KCNN2: variants seen among roughly 807,000 people sequenced by gnomAD.
The protein encoded by KCNN2 is potassium calcium-activated channel subfamily N member 2, also known as small conductance calcium-activated potassium channel protein 2.
KCNN2 carries 24 observed loss-of-function variants against 55.5 expected under a neutral mutation model. The observed-to-expected ratio is 0.43, with a 90% CI of 0.31 to 0.61. The LOEUF (loss-of-function observed/expected upper bound fraction) is 0.61, where lower values mean the gene tolerates loss of function less well. Among genes scored for constraint, KCNN2 ranks in the 20% least tolerant of loss-of-function variants. The pLI is 0.08. For synonymous variants in KCNN2, 431 were observed against 336.1 expected (o/e 1.28, Z -3.09); for missense variants, 754 against 853.6 (o/e 0.88, Z 1.45).
intron 2 of KCNN2, among the ~76,000 whole-genome samples, chr5:114,374,127 A>T (rs1030624806): frequency 2.0e-5 from 3 of 152,112 alleles, no homozygotes; most frequent in Admixed American, 2.0e-4. Context: ...ACATAAACTT[A>T]ACATGGATGT....
chr5:114,219,458 G>T (rs1377979900), intron 1 of KCNN2, among the ~76,000 whole-genome samples: 1 of 152,092 alleles, frequency 6.6e-6, no homozygotes, highest in Non-Finnish European at 1.5e-5. Flanking sequence ...AAAAGGGTAC[G>T]GGGTGGGTAG....
chr5:114,252,004 G>C (rs529545184), intron 2 of KCNN2, among the ~76,000 whole-genome samples: 1 of 149,410 alleles, frequency 6.7e-6, no homozygotes, highest in African/African-American at 2.5e-5. Flanking sequence ...TCAGCCTCCC[G>C]AGCAGCTGGG....
chr5:114,156,542 T>A (rs1208745928), intron 1 of KCNN2, among the ~76,000 whole-genome samples: 1 of 152,140 alleles, frequency 6.6e-6, no homozygotes, highest in Non-Finnish European at 1.5e-5. Flanking sequence ...TTTGTTGGTG[T>A]CATTCCTGAT....
At chr5:114,216,837 T>C (rs1221461157) in intron 1 of KCNN2, among the ~76,000 whole-genome samples, 1 of 152,108 alleles carries the variant, frequency 6.6e-6, no homozygotes, top group Non-Finnish European at 1.5e-5. Flanking sequence ...CTGTCTTTGT[T>C]CACAGATGAC....
chr5:114,340,500 A>T (rs1351892778), intron 2 of KCNN2, among the ~76,000 whole-genome samples: 2 of 152,220 alleles, frequency 1.3e-5, no homozygotes, highest in Non-Finnish European at 2.9e-5. Flanking sequence ...ATCTTCCATT[A>T]AAATTATCAA....
In KCNN2 at chr5:114,241,796, A is replaced by ATG. The variant is rs1294260691; in HGVS notation, c.-185+20232_-185+20233insGT. The stretch of plus-strand genomic sequence containing the variant: ...TATACATATATACGTATATATATGT[A>ATG]TATATATACGTATATATATATATGT... On this transcript the variant is annotated intron_variant, in intron 2 of 10. Transcript: ENST00000512097. Among the ~76,000 whole-genome samples the ATG allele has an allele frequency of 9.2e-3, 224 of 24,334 alleles. 43 individuals carry two copies. Among genetic ancestry groups the ATG allele is most frequent in the East Asian group, 0.056 (19 of 340 alleles). The allele number at this position is 24,334 out of a possible 152,430, so 16.0% of individuals were successfully genotyped here.
In KCNN2 at chr5:114,463,076, C is replaced by A; in HGVS notation, c.1665C>A (p.Ser555Arg). 6.2e-7 allele frequency: 1 copy of A among 1,613,466 alleles called. No homozygotes were observed. Among genetic ancestry groups the A allele is most frequent in the Non-Finnish European group, 8.5e-7 (1 of 1,179,596 alleles). The change falls in exon 4 of 8, where the codon AGC (serine) becomes AGA (arginine). Residue 555 changes from serine to arginine, a missense_variant. Physicochemically the swap from Ser to Arg is moderately radical, Grantham distance 110. Coordinates refer to ENST00000673685, the MANE Select transcript of KCNN2 (RefSeq NM_021614.4). ...ACCATGATCAACAGGATGTTACTAG[C>A]AACTTCCTTGGAGCGATGTGGTTGA... is the stretch of plus-strand genomic sequence containing the variant. Reference protein sequence around the residue: ...ERYHDQQDVTSNFLGAMWLIS... With the variant: ...ERYHDQQDVTRNFLGAMWLIS...
At chr5:114,179,060 A>G (rs867855643) in intron 1 of KCNN2, among the ~76,000 whole-genome samples, 7 of 152,306 alleles carry the variant, frequency 4.6e-5, no homozygotes, top group Non-Finnish European at 4.4e-5. Flanking sequence ...GGGGAACTGT[A>G]TTAGTTACCC....
intron 2 of KCNN2, among the ~76,000 whole-genome samples, chr5:114,257,792 C>T (rs974162104): frequency 6.6e-6 from 1 of 152,100 alleles, no homozygotes. Context: ...ATATCATCAG[C>T]AGAGATAATT....
At chr5:114,339,321 C>G (rs1387281057) in intron 2 of KCNN2, among the ~76,000 whole-genome samples, 2 of 152,168 alleles carry the variant, frequency 1.3e-5, no homozygotes, top group African/African-American at 2.4e-5. Context: ...TACACCCTTG[C>G]TAGATAATGC....
At chr5:114,426,191 C>A (rs1026040922) in intron 3 of KCNN2, among the ~76,000 whole-genome samples, 19 of 152,066 alleles carry the variant, frequency 1.2e-4, no homozygotes, top group South Asian at 8.3e-4. Flanking sequence ...ATCATATAAC[C>A]TTCCTAATCA....
chr5:114,247,082 T>G (rs1754761542), intron 2 of KCNN2, among the ~76,000 whole-genome samples: 1 of 150,818 alleles, frequency 6.6e-6, no homozygotes. Flanking sequence ...GGCGGGCAGA[T>G]CACTTGAGGT....
chr5:114,115,235 G>A (rs1287740316), intron 1 of KCNN2, among the ~76,000 whole-genome samples: 2 of 152,018 alleles, frequency 1.3e-5, no homozygotes, highest in Admixed American at 6.6e-5. Flanking sequence ...TGATGTTCCC[G>A]AAAATGTCTA....
chr5:114,066,248 C>CT (rs1334230477), intron 1 of KCNN2, among the ~76,000 whole-genome samples: 1 of 152,190 alleles, frequency 6.6e-6, no homozygotes, highest in African/African-American at 2.4e-5. Context: ...ATCCCCATCT[C>CT]TTTGTCTTTC....
At chr5:114,071,349 A>G (rs954399173) in intron 1 of KCNN2, among the ~76,000 whole-genome samples, 1 of 152,144 alleles carries the variant, frequency 6.6e-6, no homozygotes, top group Admixed American at 6.6e-5. Context: ...CTTGTGAGAA[A>G]ATCTGAACTC....
chr5:114,203,600 T>G (rs1753716880), intron 1 of KCNN2, among the ~76,000 whole-genome samples: 6 of 152,190 alleles, frequency 3.9e-5, no homozygotes, highest in Admixed American at 3.9e-4. Context: ...GAAGTTCTGC[T>G]GCAAGGCCAG....
intron 3 of KCNN2, among the ~76,000 whole-genome samples, chr5:114,435,098 T>C (rs1377772065): frequency 1.3e-5 from 2 of 152,164 alleles, no homozygotes; most frequent in Admixed American, 6.5e-5. Flanking sequence ...TGCCACTCTC[T>C]ACCCGTCACT....
At chr5:114,389,114 T>A (rs1326019442) in intron 2 of KCNN2, among the ~76,000 whole-genome samples, 2 of 152,078 alleles carry the variant, frequency 1.3e-5, no homozygotes, top group Non-Finnish European at 2.9e-5. Context: ...CGTGTGTGAG[T>A]GTGTATGTGT....
At chr5:114,229,567 G>C (rs1275199806) in intron 2 of KCNN2, among the ~76,000 whole-genome samples, 2 of 151,268 alleles carry the variant, frequency 1.3e-5, no homozygotes, top group African/African-American at 2.4e-5. Flanking sequence ...AGAGTACCAG[G>C]TTCATATGTA....
Sources: gnomAD v4.1 joint callset for allele counts (sites outside exome capture counted in the v4.1 genomes callset) on GRCh38, gnomAD v4.1.1 for gene constraint, MANE v1.5 for transcripts, NCBI Gene and HGNC (gene_info 2026-07-23, HGNC 2026-07-21) for gene names.